Variants in SPATA18 observed in about 807,000 individuals in gnomAD.
SPATA18 encodes mitochondria-eating protein.
Under a neutral mutation model 68.1 loss-of-function variants are expected in SPATA18, and 54 were observed. That is an observed-to-expected ratio of 0.79 (90% CI 0.64 to 0.99). The LOEUF (loss-of-function observed/expected upper bound fraction) is 0.99, where lower values mean the gene tolerates loss of function less well. Ranked by LOEUF, SPATA18 falls within the 50% of genes least tolerant of loss-of-function variation. SPATA18 has a pLI of 0.00. For missense variants in SPATA18, 724 were observed against 681.1 expected, an observed-to-expected ratio of 1.06 and a Z score of -0.70; for synonymous variants, 242 against 244.8, an observed-to-expected ratio of 0.99 and a Z score of 0.11.
intron 6 of SPATA18, among the ~76,000 whole-genome samples, chr4:52,076,459 T>C (rs910144050): frequency 1.3e-5 from 2 of 152,216 alleles, no homozygotes; most frequent in Non-Finnish European, 2.9e-5. Context: ...GTTCCATTAA[T>C]AGGCCAATTT....
intron 1 of SPATA18, among the ~76,000 whole-genome samples, chr4:52,052,983 A>G (rs1186913756): frequency 1.3e-5 from 2 of 152,236 alleles, no homozygotes; most frequent in African/African-American, 4.8e-5. Context: ...TGGAAAGTTA[A>G]AATGACCTCT....
chr4:52,074,592 A>T (rs1046988563), intron 6 of SPATA18, among the ~76,000 whole-genome samples: 3 of 152,204 alleles, frequency 2.0e-5, no homozygotes, highest in Non-Finnish European at 2.9e-5. Context: ...GGTGGTGTAT[A>T]CTGGAGGCCT....
rs768336548 is a variant in SPATA18, at chr4:52,072,054, A to G, written c.656A>G (p.Asp219Gly). ...TGGAACTCACTCAAGCAGAATGCAG[A>G]CCAGCAGGACACAGAAGCCATGTCC... is the stretch of plus-strand genomic sequence containing the variant. ...EQWNSLKQNA[D>G]QQDTEAMSDY... The change falls in exon 6 of 13, where the codon GAC becomes GGC. Residue 219 changes from aspartate (D) to glycine (G), a missense_variant. Physicochemically the swap from Asp to Gly is moderately conservative, Grantham distance 94. Transcript: ENST00000295213. The G allele has an allele frequency of 6.2e-7, 1 of 1,613,962 alleles. No homozygotes were observed. Among genetic ancestry groups the G allele is most frequent in the South Asian group, 1.1e-5 (1 of 91,070 alleles).
rs926575926 is a variant in SPATA18, at chr4:52,092,204, C to T, written c.1564-2323C>T. On this transcript the variant is annotated intron_variant, in intron 11 of 12. Coordinates refer to ENST00000295213, the MANE Select transcript of SPATA18 (RefSeq NM_145263.4). ...CTGCCTGGGTTCATTGCCCCCTTTC[C>T]AGGGAAGTGAACGGTTCTGTTTTGC... Among the ~76,000 whole-genome samples, 5 of 152,138 alleles carry T rather than the reference C, an allele frequency of 3.3e-5. No homozygotes were observed. The East Asian group carries it at 9.7e-4, about 29-fold the overall frequency.
chr4:52,077,070 CTTAGGG>C, intron 7 of SPATA18, 30 bp downstream of exon 7: 1 of 1,562,274 alleles, frequency 6.4e-7, no homozygotes, highest in Admixed American at 1.9e-5. Context: ...CTCCCGGCTC[CTTAGGG>C]CAGCCGGGAG....
intron 11 of SPATA18, among the ~76,000 whole-genome samples, chr4:52,089,399 C>A (rs1039218716): frequency 6.6e-6 from 1 of 152,126 alleles, no homozygotes; most frequent in African/African-American, 2.4e-5. Flanking sequence ...TTAGATCTTT[C>A]CTGCTTTGTC....
At chr4:52,078,482 G>T in intron 7 of SPATA18, 2 of 341,698 alleles carry the variant, frequency 5.9e-6, no homozygotes, top group East Asian at 4.6e-5. Context: ...GCACTGTCCT[G>T]CTTCCTGCAC....
intron 7 of SPATA18, 41 bp downstream of exon 7, chr4:52,077,081 C>CT (rs2109480762): frequency 6.5e-7 from 1 of 1,545,378 alleles, no homozygotes; most frequent in South Asian, 1.2e-5. Context: ...TTAGGGCAGC[C>CT]GGGAGACAAG....
Position 52,096,952 on chromosome 4 carries a change from C to A in SPATA18, c.*2065C>A, listed in dbSNP as rs987543422. On this transcript the variant is annotated 3_prime_UTR_variant, in exon 13 of 13. Transcript: ENST00000295213. ...TTTTTTCAGGAGCCAAGCACATATA[C>A]TGATTTGGAAAAAGGCACAGGTAGC... 2.0e-5 allele frequency: 3 copies of A among 152,090 alleles called. No homozygotes were observed. Among genetic ancestry groups the A allele is most frequent in the African/African-American group, 7.2e-5 (3 of 41,496 alleles). 9.4% of individuals were successfully genotyped at this position (152,090 alleles called of 1,614,324 possible).
At chr4:52,074,488 G>A (rs1219228528) in intron 6 of SPATA18, among the ~76,000 whole-genome samples, 2 of 152,168 alleles carry the variant, frequency 1.3e-5, no homozygotes, top group South Asian at 2.1e-4. Flanking sequence ...GGAAGCATAT[G>A]TGCAATGGAT....
At chr4:52,062,988 C>T (rs1366713295) in intron 4 of SPATA18, among the ~76,000 whole-genome samples, 1 of 152,154 alleles carries the variant, frequency 6.6e-6, no homozygotes, top group African/African-American at 2.4e-5. Flanking sequence ...TAGGGAATCA[C>T]TGCAAAGAAA....
At chr4:52,065,683 C>CTT (rs1739250010) in intron 4 of SPATA18, among the ~76,000 whole-genome samples, 1 of 152,218 alleles carries the variant, frequency 6.6e-6, no homozygotes, top group African/African-American at 2.4e-5. Flanking sequence ...ACTTTGCCTA[C>CTT]TTGTCTCTTA....
At chr4:52,057,819 G>A (rs1180242324) in intron 1 of SPATA18, among the ~76,000 whole-genome samples, 1 of 152,196 alleles carries the variant, frequency 6.6e-6, no homozygotes, top group African/African-American at 2.4e-5. Flanking sequence ...CTGTGTCTGA[G>A]GTGCTGGGCG....
rs1328076767 is a variant in SPATA18, at chr4:52,072,037, A to G, written c.639A>G (p.Ser213=). ...AGCGGAAGCGTGAGCAGTGGAACTC[A>G]CTCAAGCAGAATGCAGACCAGCAGG... is the stretch of plus-strand genomic sequence containing the variant. ...LEERKREQWN[S]LKQNADQQDT... Residue 213 remains serine (S), a synonymous_variant, in exon 6 of 13, where the codon TCA becomes TCG. Coordinates refer to ENST00000295213, the MANE Select transcript of SPATA18 (RefSeq NM_145263.4). 6.2e-7 allele frequency: 1 copy of G among 1,613,712 alleles called. No individual in the cohort carries two copies. Among genetic ancestry groups the G allele is most frequent in the African/African-American group, 1.3e-5 (1 of 74,788 alleles).
intron 4 of SPATA18, among the ~76,000 whole-genome samples, 194 bp from the exon 5 acceptor site, chr4:52,069,627 G>A (rs888675516): frequency 6.6e-6 from 1 of 152,164 alleles, no homozygotes; most frequent in Admixed American, 6.5e-5. Context: ...AGCAAAGGAT[G>A]TTAGCATGTT....
At chr4:52,085,956 A>T (rs550426184) in intron 11 of SPATA18, among the ~76,000 whole-genome samples, 2 of 152,240 alleles carry the variant, frequency 1.3e-5, no homozygotes, top group South Asian at 4.1e-4. Context: ...AAAAATTATG[A>T]TTCACCACTA....
intron 4 of SPATA18, among the ~76,000 whole-genome samples, chr4:52,069,535 A>C (rs567354731): frequency 3.9e-5 from 6 of 152,188 alleles, no homozygotes; most frequent in Non-Finnish European, 5.9e-5. Context: ...GAGAAATTGA[A>C]CAAGTTTCTT....
chr4:52,096,070 C>T lies in SPATA18; in HGVS notation c.*1183C>T, dbSNP rs1222724151. 2 of 152,158 alleles carry T rather than the reference C, an allele frequency of 1.3e-5. No homozygotes were observed. The highest frequency in any genetic ancestry group is 2.9e-5 in the Non-Finnish European group (2 of 68,044). 9.4% of individuals were successfully genotyped at this position (152,158 alleles called of 1,614,324 possible). On this transcript the variant is annotated 3_prime_UTR_variant, in exon 13 of 13. Coordinates refer to ENST00000295213, the MANE Select transcript of SPATA18 (RefSeq NM_145263.4). ...TTAGTGCCAGAACCAGCACCTGATG[C>T]TTTTCAGGTGAAAATAAAACAAACA... is the stretch of plus-strand genomic sequence containing the variant.
Position 52,094,572 on chromosome 4 carries a change from A to G in SPATA18, c.1609A>G (p.Arg537Gly), listed in dbSNP as rs1202561551. 8 of 1,613,820 alleles carry G rather than the reference A, an allele frequency of 5.0e-6. No homozygotes were observed. The highest frequency in any genetic ancestry group is 5.9e-6 in the Non-Finnish European group (7 of 1,179,802). The change falls in exon 12 of 13, where the codon AGA becomes GGA. Residue 537 changes from arginine (R) to glycine (G), a missense_variant and splice_region_variant. Physicochemically the swap from Arg to Gly is moderately radical, Grantham distance 125 (BLOSUM62 -2). Coordinates refer to ENST00000295213, the MANE Select transcript of SPATA18 (RefSeq NM_145263.4). Reference sequence around the variant, plus strand: ...TTCTCCAATAAGATGTGGATTGCCAAGTAAGTGGGATTAGTTCAGATGGAT... The same window carrying G: ...TTCTCCAATAAGATGTGGATTGCCAGGTAAGTGGGATTAGTTCAGATGGAT... ...SPSPIRCGLP[R>G]F is the part of the protein sequence containing the mutation.
Sources: gnomAD v4.1 joint callset for allele counts (sites outside exome capture counted in the v4.1 genomes callset) on GRCh38, gnomAD v4.1.1 for gene constraint, MANE v1.5 for transcripts, NCBI Gene and HGNC (gene_info 2026-07-23, HGNC 2026-07-21) for gene names.